Variants in CSMD3 observed in about 807,000 individuals in gnomAD.
CSMD3 encodes the protein CUB and sushi domain-containing protein 3.
In CSMD3, 177 loss-of-function variants were observed where a neutral mutation model predicts 435.2. That is an observed-to-expected ratio of 0.41 (90% CI 0.36 to 0.46). The LOEUF (loss-of-function observed/expected upper bound fraction) is 0.46. Among genes scored for constraint, CSMD3 ranks in the 20% least tolerant of loss-of-function variants. CSMD3 has a pLI of 0.34. For synonymous variants in CSMD3, 1,656 were observed against 1,520.5 expected, an observed-to-expected ratio of 1.09 and a Z score of -2.07; for missense variants, 4,265 against 4,504.6, an observed-to-expected ratio of 0.95 and a Z score of 1.52.
chr8:112,362,559 C>G (rs544560058), intron 38 of CSMD3, among the ~76,000 whole-genome samples: 115 of 151,894 alleles, frequency 7.6e-4, no homozygotes, highest in African/African-American at 2.7e-3. Flanking sequence ...ATTCAATAAG[C>G]TGTTGGTGAG....
At chr8:113,417,648 T>C (rs1331047379) in intron 1 of CSMD3, among the ~76,000 whole-genome samples, 1 of 152,024 alleles carries the variant, frequency 6.6e-6, no homozygotes, top group Admixed American at 6.6e-5. Context: ...AATTGTACAC[T>C]ATAGGCTGTC....
Position 112,322,389 on chromosome 8 carries a change from A to G in CSMD3, c.7166-2408T>C, listed in dbSNP as rs1823083175. ...AAGACAACATGGGTGCTGTGAGCTA[A>G]TGTCTTATTCTCTGTTCTTTCCTAT... On this transcript the variant is annotated intron_variant, in intron 45 of 70. Transcript: ENST00000297405. Among the ~76,000 whole-genome samples, 3 of 152,138 alleles carry G rather than the reference A, an allele frequency of 2.0e-5. No individual in the cohort carries two copies. The South Asian group carries it at 6.2e-4, about 32-fold the overall frequency.
intron 17 of CSMD3, among the ~76,000 whole-genome samples, chr8:112,662,612 T>G (rs1161101128): frequency 2.6e-5 from 4 of 152,086 alleles, no homozygotes; most frequent in Non-Finnish European, 5.9e-5. Flanking sequence ...CATAGGCATG[T>G]GCAGGGACTT....
At chr8:112,360,215 G>C (rs751913155) in intron 38 of CSMD3, among the ~76,000 whole-genome samples, 1 of 151,818 alleles carries the variant, frequency 6.6e-6, no homozygotes, top group African/African-American at 2.4e-5. Flanking sequence ...CACTGAGAAG[G>C]CCAAATTTTG....
chr8:112,261,020 C>A (rs1277042806), intron 61 of CSMD3, among the ~76,000 whole-genome samples: 1 of 152,078 alleles, frequency 6.6e-6, no homozygotes, highest in African/African-American at 2.4e-5. Context: ...ATATGAACTG[C>A]AGTCTAGACC....
At chr8:113,121,096 G>A (rs1396363436) in intron 4 of CSMD3, among the ~76,000 whole-genome samples, 1 of 151,972 alleles carries the variant, frequency 6.6e-6, no homozygotes, top group African/African-American at 2.4e-5. Context: ...GCTTTTTTGT[G>A]CCTTATGTTT....
At chr8:113,016,519 A>G (rs956964979) in intron 6 of CSMD3, among the ~76,000 whole-genome samples, 3 of 151,874 alleles carry the variant, frequency 2.0e-5, no homozygotes, top group African/African-American at 7.2e-5. Flanking sequence ...TTAATAAAGG[A>G]TAGAGATTAA....
chr8:112,763,917 A>G (rs532392283), intron 13 of CSMD3, among the ~76,000 whole-genome samples: 11 of 151,418 alleles, frequency 7.3e-5, no homozygotes, highest in Non-Finnish European at 1.2e-4. Flanking sequence ...TGGCAGCTCC[A>G]TATCTAAAAA....
intron 61 of CSMD3, 132 bp from the exon 62 acceptor site, chr8:112,255,559 T>A: frequency 2.5e-6 from 2 of 796,416 alleles, no homozygotes; most frequent in South Asian, 3.3e-5. Flanking sequence ...GCTATCCCAA[T>A]GAAAAAATTT....
chr8:112,334,586 A>T (rs1295764237), intron 45 of CSMD3, among the ~76,000 whole-genome samples: 1 of 152,200 alleles, frequency 6.6e-6, no homozygotes, highest in Non-Finnish European at 1.5e-5. Context: ...ATGAGACTGT[A>T]GTCATAGCAG....
At chr8:113,214,631 C>T (rs1163286363) in intron 3 of CSMD3, among the ~76,000 whole-genome samples, 1 of 151,896 alleles carries the variant, frequency 6.6e-6, no homozygotes. Flanking sequence ...CTACAAATAT[C>T]TACAATATCA....
chr8:112,650,416 C>A (rs2131634253), intron 18 of CSMD3, 67 bp from the exon 19 acceptor site: 1 of 1,250,598 alleles, frequency 8.0e-7, no homozygotes, highest in South Asian at 1.2e-5. Context: ...AAAATAATTC[C>A]TAGTTCTTCA....
chr8:112,605,584 C>T (rs1227956316), intron 22 of CSMD3, among the ~76,000 whole-genome samples: 1 of 146,874 alleles, frequency 6.8e-6, no homozygotes, highest in East Asian at 2.1e-4. Flanking sequence ...ACTGAGTACA[C>T]ATGGAAACAA....
chr8:113,004,991 T>TAC (rs2086002938), intron 6 of CSMD3, among the ~76,000 whole-genome samples: 2 of 151,908 alleles, frequency 1.3e-5, no homozygotes, highest in Admixed American at 1.3e-4. Flanking sequence ...ATTATATATA[T>TAC]ACCAAATCTC....
intron 12 of CSMD3, among the ~76,000 whole-genome samples, chr8:112,815,540 C>T (rs1028203281): frequency 5.3e-5 from 8 of 152,040 alleles, no homozygotes; most frequent in African/African-American, 7.2e-5. Flanking sequence ...GGAAGAAATC[C>T]AGCTTGTTTA....
Position 112,295,821 on chromosome 8 carries a change from AT to A in CSMD3, c.8614+11del, listed in dbSNP as rs1563751934. 13 of 1,613,314 alleles carry A rather than the reference AT, an allele frequency of 8.1e-6. No individual in the cohort carries two copies. The highest frequency in any genetic ancestry group is 1.1e-5 in the Non-Finnish European group (13 of 1,179,584). On this transcript the variant is annotated intron_variant, in intron 54 of 70. Coordinates refer to ENST00000297405, the MANE Select transcript of CSMD3 (RefSeq NM_198123.2). ...TCAGAGGTCTCTAATTGCTTTTGCCATGCTTACTTACGCACACAGGATGGGA... is the reference window on the plus strand; with the variant it reads ...TCAGAGGTCTCTAATTGCTTTTGCCAGCTTACTTACGCACACAGGATGGGA...
chr8:112,928,023 T>C (rs998751150), intron 9 of CSMD3, among the ~76,000 whole-genome samples: 4 of 152,118 alleles, frequency 2.6e-5, no homozygotes, highest in Non-Finnish European at 5.9e-5. Flanking sequence ...AAGATAATAA[T>C]GCTACCTGTC....
At position 112,974,347 on chromosome 8, in the gene CSMD3, G is replaced by A. The variant is rs192761586; in HGVS notation, c.1342+1490C>T. On this transcript the variant is annotated intron_variant, in intron 7 of 70. Transcript: ENST00000297405. ...GCAAACTTTGGCTAAAGTAGAAATT[G>A]TATTATTAGTTGGTTTTACAATAAA... Among the ~76,000 whole-genome samples the A allele has an allele frequency of 6.6e-3, 1,008 of 151,898 alleles. 10 individuals carry two copies. The highest frequency in any genetic ancestry group is 0.023 in the African/African-American group (966 of 41,510).
intron 27 of CSMD3, among the ~76,000 whole-genome samples, chr8:112,550,420 ACAC>A (rs572584215): frequency 1.3e-5 from 2 of 151,860 alleles, no homozygotes; most frequent in South Asian, 4.2e-4. Flanking sequence ...GAGTAATTTA[ACAC>A]CACTTTTACT....
Sources: gnomAD v4.1 joint callset for allele counts (sites outside exome capture counted in the v4.1 genomes callset) on GRCh38, gnomAD v4.1.1 for gene constraint, MANE v1.5 for transcripts, NCBI Gene and HGNC (gene_info 2026-07-23, HGNC 2026-07-21) for gene names.